The following SERAC1 variants were observed in gnomAD, a reference collection of about 807,000 sequenced individuals.
SERAC1 encodes the protein serine active site containing 1.
Under a neutral mutation model 85.7 loss-of-function variants are expected in SERAC1, and 36 were observed. The ratio of observed to expected loss-of-function variants is 0.42; its 90% CI spans 0.32 to 0.55. The LOEUF (loss-of-function observed/expected upper bound fraction) is 0.55. SERAC1 is among the 20% of genes least tolerant of loss of function. SERAC1 has a pLI of 0.11. For missense variants in SERAC1, 629 were observed against 796.2 expected (o/e 0.79, Z 2.53); for synonymous variants, 242 against 265.3 (o/e 0.91, Z 0.85).
intron 10 of SERAC1, among the ~76,000 whole-genome samples, chr6:158,125,998 A>T (rs1784531241): frequency 6.6e-6 from 1 of 152,236 alleles, no homozygotes; most frequent in African/African-American, 2.4e-5. Flanking sequence ...GAAAGCAAAG[A>T]GCAAGATGAC....
chr6:158,120,375 A>T lies in SERAC1; in HGVS notation c.1166+50T>A. ...AATAAGTTAAAAATTTGAGGCCTCTAGGCTTCACATTTCCAAAGGGGACAA... is the reference window on the plus strand; with the variant it reads ...AATAAGTTAAAAATTTGAGGCCTCTTGGCTTCACATTTCCAAAGGGGACAA... On this transcript the variant is annotated intron_variant, in intron 11 of 16. Coordinates refer to ENST00000647468, the MANE Select transcript of SERAC1 (RefSeq NM_032861.4). This position sits in a 1 kb window ranked among gnomAD's most constrained non-coding sequence, Gnocchi z 4.4. The T allele has an allele frequency of 1.3e-6, 2 of 1,564,600 alleles. No individual in the cohort carries two copies. Among genetic ancestry groups the T allele is most frequent in the South Asian group, 2.4e-5 (2 of 82,430 alleles).
At chr6:158,118,631 AAAAAAG>A (rs1322112488) in intron 12 of SERAC1, among the ~76,000 whole-genome samples, 24 of 151,492 alleles carry the variant, frequency 1.6e-4, no homozygotes, top group African/African-American at 5.8e-4. Flanking sequence ...AAAAAAAAAA[AAAAAAG>A]AAGGAAAGAA....
At chr6:158,129,783 G>C (rs1784629064) in intron 9 of SERAC1, among the ~76,000 whole-genome samples, 1 of 150,296 alleles carries the variant, frequency 6.7e-6, no homozygotes, top group Non-Finnish European at 1.5e-5. Flanking sequence ...TGCAACCTCT[G>C]CTACCCAGGT....
chr6:158,142,381 TCTCAAACTCCTGGC>T (rs1784938465), intron 8 of SERAC1, among the ~76,000 whole-genome samples: 1 of 151,842 alleles, frequency 6.6e-6, no homozygotes, highest in South Asian at 2.1e-4. Flanking sequence ...CCCAAGCTGG[TCTCAAACTCCTGGC>T]CTCAGGCAAT....
intron 3 of SERAC1, among the ~76,000 whole-genome samples, chr6:158,153,880 C>A (rs1190637296): frequency 6.6e-6 from 1 of 152,102 alleles, no homozygotes; most frequent in Non-Finnish European, 1.5e-5. Flanking sequence ...CCTGTAATCC[C>A]AGCACTTTGG....
chr6:158,116,051 C>T, intron 14 of SERAC1, 134 bp downstream of exon 14: 1 of 687,336 alleles, frequency 1.5e-6, no homozygotes, highest in Non-Finnish European at 2.5e-6. Flanking sequence ...GCCATAGCTA[C>T]ACAGATTAAT....
chr6:158,143,002 C>A, intron 8 of SERAC1, 54 bp downstream of exon 8: 1 of 1,423,434 alleles, frequency 7.0e-7, no homozygotes, highest in East Asian at 2.3e-5. Context: ...TGACACAATA[C>A]ATTGGAAAGG....
chr6:158,156,952 T>C (rs974453576), intron 2 of SERAC1, among the ~76,000 whole-genome samples: 23 of 138,562 alleles, frequency 1.7e-4, no homozygotes, highest in South Asian at 6.4e-4. Context: ...ATTAATATAT[T>C]TATATAAATA....
Position 158,144,439 on chromosome 6 carries a change from C to T in SERAC1, c.488-19G>A, listed in dbSNP as rs529242653. ...TGGTAATCTATTGAAAAAGCATTTT[C>T]TTTTGTTAATACCAAAACTAGCTGA... On this transcript the variant is annotated intron_variant, in intron 6 of 16. Transcript: ENST00000647468. 1.9e-6 allele frequency: 3 copies of T among 1,547,812 alleles called. No homozygotes were observed. The highest frequency in any genetic ancestry group is 1.8e-6 in the Non-Finnish European group (2 of 1,142,420).
rs754579027 is a variant in SERAC1 at position 158,111,256 on chromosome 6, T to G, written c.*110A>C. 1.7e-4 allele frequency: 183 copies of G among 1,063,572 alleles called. No homozygotes were observed. The highest frequency in any genetic ancestry group is 2.3e-4 in the Non-Finnish European group (175 of 745,894). 65.9% of individuals were successfully genotyped at this position (1,063,572 alleles called of 1,614,324 possible). ...AGTCTGCAACACACTCCAGACCATG[T>G]TGACGCTATGATCACTATGTTTGCA... is the stretch of plus-strand genomic sequence containing the variant. On this transcript the variant is annotated 3_prime_UTR_variant, in exon 17 of 17. Transcript: ENST00000647468.
rs113652013 is a variant in SERAC1 at position 158,151,381 on chromosome 6, C to T, written c.129-792G>A. Among the ~76,000 whole-genome samples the T allele has an allele frequency of 2.4e-3, 361 of 152,184 alleles. 1 individual carries two copies. The highest frequency in any genetic ancestry group is 8.4e-3 in the African/African-American group (347 of 41,528). On this transcript the variant is annotated intron_variant, in intron 3 of 16. Coordinates refer to ENST00000647468, the MANE Select transcript of SERAC1 (RefSeq NM_032861.4). ...TGCTATGACTGTACCCACGAGTAGC[C>T]GCTGCTCTCCAGCCTGGGCGACAGA...
At chr6:158,114,657 C>T (rs1784232933) in intron 15 of SERAC1, 132 bp downstream of exon 15, 1 of 700,338 alleles carries the variant, frequency 1.4e-6, no homozygotes, top group Non-Finnish European at 1.8e-6. Flanking sequence ...CCAAAATTTC[C>T]ATGAATAGTC....
At position 158,163,728 on chromosome 6, in the gene SERAC1, T is replaced by TG. The variant is rs1207532473; in HGVS notation, c.-2+4411_-2+4412insC. Among the ~76,000 whole-genome samples the TG allele has an allele frequency of 2.1e-5, 3 of 143,592 alleles. No individual in the cohort carries two copies. In the East Asian group the frequency reaches 6.4e-4, roughly 30 times the overall value. 94.2% of individuals were successfully genotyped at this position (143,592 alleles called of 152,430 possible). On this transcript the variant is annotated intron_variant, in intron 1 of 16. Transcript: ENST00000647468. ...CTGCACTGTTTAGATTATGTAGGTT[T>TG]TTTGTTGTTTTTTGTTTTCTTTTTG...
chr6:158,153,943 C>G (rs1785264194), intron 3 of SERAC1, among the ~76,000 whole-genome samples: 1 of 151,850 alleles, frequency 6.6e-6, no homozygotes, highest in African/African-American at 2.4e-5. Context: ...CTAGCCTGGG[C>G]AACATGGCAA....
At chr6:158,131,663 G>A (rs557570667) in intron 8 of SERAC1, among the ~76,000 whole-genome samples, 4 of 152,052 alleles carry the variant, frequency 2.6e-5, no homozygotes, top group East Asian at 3.9e-4. Context: ...TCAATGGCAC[G>A]ACTTCTATGG....
At position 158,148,905 on chromosome 6, in the gene SERAC1, T is replaced by C. The variant is rs1583597789; in HGVS notation, c.315A>G (p.Val105=). 1 of 1,613,064 alleles carries C rather than the reference T, an allele frequency of 6.2e-7. No homozygotes were observed. Among genetic ancestry groups the C allele is most frequent in the East Asian group, 2.2e-5 (1 of 44,832 alleles). Residue 105 remains valine, a synonymous_variant, in exon 5 of 17, where the codon GTA becomes GTG. Transcript: ENST00000647468. ...GCAGTATCTTGGCTGATGTTGCCAA[T>C]ACTTTTCTTACTGCTTTGTGAAGTT... The part of the protein sequence containing the change: ...RKELHKAVRK[V]LATSAKILRN...
chr6:158,141,041 C>T (rs1784904188), intron 8 of SERAC1, among the ~76,000 whole-genome samples: 1 of 152,030 alleles, frequency 6.6e-6, no homozygotes, highest in African/African-American at 2.4e-5. Flanking sequence ...TAGGAATGAC[C>T]CAAATGTCCA....
intron 1 of SERAC1, among the ~76,000 whole-genome samples, chr6:158,165,076 C>T (rs1785566536): frequency 6.6e-6 from 1 of 152,136 alleles, no homozygotes; most frequent in Non-Finnish European, 1.5e-5. Context: ...CCTACCTATG[C>T]AATTACATAC....
In SERAC1 at chr6:158,118,634, AAAG is replaced by A. The variant is rs1432715715; in HGVS notation, c.1308+392_1308+394del. Among the ~76,000 whole-genome samples the A allele has an allele frequency of 2.9e-4, 44 of 151,312 alleles. 1 individual carries two copies. The South Asian group carries it at 4.6e-3, about 16-fold the overall frequency. On this transcript the variant is annotated intron_variant, in intron 12 of 16. Coordinates refer to ENST00000647468, the MANE Select transcript of SERAC1 (RefSeq NM_032861.4). ...CCCTCATCTCAAAAAAAAAAAAAAA[AAAG>A]AAGGAAAGAAATGCAAAGTATAATT...
Sources: allele counts gnomAD v4.1 joint callset (sites outside exome capture counted in the v4.1 genomes callset), GRCh38; gene constraint gnomAD v4.1.1; non-coding constraint Gnocchi (gnomAD v3.1); transcripts MANE v1.5; gene names NCBI Gene and HGNC (gene_info 2026-07-23, HGNC 2026-07-21).